The following SCARB1 variants were observed in gnomAD, a reference collection of about 807,000 sequenced individuals.
The protein encoded by SCARB1 is scavenger receptor class B member 1.
In SCARB1, 30 loss-of-function variants were observed where a neutral mutation model predicts 57.2. The ratio of observed to expected loss-of-function variants is 0.52; its 90% CI spans 0.39 to 0.71. The LOEUF (loss-of-function observed/expected upper bound fraction) is 0.71, where lower values mean the gene tolerates loss of function less well. Among genes scored for constraint, SCARB1 ranks in the 30% least tolerant of loss-of-function variants. SCARB1 has a pLI of 0.00. For missense variants in SCARB1, 543 were observed against 671.2 expected, an observed-to-expected ratio of 0.81 and a Z score of 2.11; for synonymous variants, 249 against 268.3, an observed-to-expected ratio of 0.93 and a Z score of 0.70.
chr12:124,830,901 C>T (rs921899537), intron 1 of SCARB1, among the ~76,000 whole-genome samples: 3 of 150,544 alleles, frequency 2.0e-5, no homozygotes, highest in African/African-American at 4.9e-5. Flanking sequence ...CAACCTCCAC[C>T]TCCCAGGTTC....
chr12:124,788,471 C>A (rs1399781367), intron 9 of SCARB1, among the ~76,000 whole-genome samples: 1 of 152,234 alleles, frequency 6.6e-6, no homozygotes, highest in Non-Finnish European at 1.5e-5. Context: ...GCTTTCACAG[C>A]TGGGAGGTGA....
intron 1 of SCARB1, among the ~76,000 whole-genome samples, chr12:124,821,196 C>A (rs1164275498): frequency 6.6e-6 from 1 of 151,946 alleles, no homozygotes; most frequent in Non-Finnish European, 1.5e-5. Flanking sequence ...TGTGATCACA[C>A]CACTGCACTC....
intron 1 of SCARB1, among the ~76,000 whole-genome samples, chr12:124,861,498 C>T (rs1952899089): frequency 6.6e-6 from 1 of 152,014 alleles, no homozygotes; most frequent in South Asian, 2.1e-4. Flanking sequence ...AATAAAAGCA[C>T]AAGGCCTCCC....
chr12:124,805,372 G>A (rs747695547), intron 7 of SCARB1, among the ~76,000 whole-genome samples: 6 of 152,208 alleles, frequency 3.9e-5, no homozygotes, highest in South Asian at 2.1e-4. Context: ...GAAAAAGGGC[G>A]AAGGCATCAG....
At chr12:124,788,502 T>C (rs1169869421) in intron 9 of SCARB1, among the ~76,000 whole-genome samples, 1 of 152,206 alleles carries the variant, frequency 6.6e-6, no homozygotes, top group East Asian at 1.9e-4. Flanking sequence ...CCTCCTCCCT[T>C]TCAGATGCCT....
At chr12:124,778,925 A>AGAAGCAGACACTGAGAGACCAG (rs1872829035) in intron 12 of SCARB1, among the ~76,000 whole-genome samples, 1 of 152,184 alleles carries the variant, frequency 6.6e-6, no homozygotes, top group Non-Finnish European at 1.5e-5. Flanking sequence ...TCTGTCCCTC[A>AGAAGCAGACACTGAGAGACCAG]GGAGGAGAAC....
Position 124,788,972 on chromosome 12 carries a change from A to G in SCARB1, c.1203-1515T>C, listed in dbSNP as rs147719758. Among the ~76,000 whole-genome samples, 38 of 152,330 alleles carry G rather than the reference A, an allele frequency of 2.5e-4. No homozygotes were observed. The East Asian group carries it at 6.5e-3, about 26-fold the overall frequency. On this transcript the variant is annotated intron_variant, in intron 9 of 12. Transcript: ENST00000261693. ...TGGAAGGAAGCACAGCAAATTGATG[A>G]TGGTGGGTACGGCTGGGGATGGCGG...
intron 1 of SCARB1, among the ~76,000 whole-genome samples, chr12:124,833,453 G>T (rs1951503989): frequency 6.6e-6 from 1 of 152,118 alleles, no homozygotes; most frequent in African/African-American, 2.4e-5. Context: ...CTCCCAAAGT[G>T]CTGGGATTAC....
chr12:124,855,214 G>A (rs1323491842), intron 1 of SCARB1, among the ~76,000 whole-genome samples: 1 of 152,282 alleles, frequency 6.6e-6, no homozygotes, highest in South Asian at 2.1e-4. Flanking sequence ...GGCCCCTCCC[G>A]TTCCTTCCCC....
intron 1 of SCARB1, among the ~76,000 whole-genome samples, chr12:124,844,862 CTG>C (rs1372522152): frequency 6.7e-6 from 1 of 148,866 alleles, no homozygotes; most frequent in African/African-American, 2.5e-5. Context: ...GTTGCCCAGA[CTG>C]GAGTGCAGTG....
chr12:124,863,653 A>G lies in SCARB1; in HGVS notation c.68T>C (p.Val23Ala), dbSNP rs1952996124. 1 of 1,590,430 alleles carries G rather than the reference A, an allele frequency of 6.3e-7. No individual in the cohort carries two copies. The highest frequency in any genetic ancestry group is 1.7e-5 in the Admixed American group (1 of 57,796). ...ALGVAGLLCA[V>A]LGAVMIVMVP... ...CATCACGATCATGACAGCGCCCAGC[A>G]CAGCGCACAGTAGCCCCGCGACGCC... Residue 23 changes from valine (V) to alanine (A), a missense_variant, in exon 1 of 13, where the codon GTG (valine) becomes GCG (alanine). By Grantham distance (64) the Val-to-Ala change is moderately conservative. Transcript: ENST00000261693.
intron 1 of SCARB1, among the ~76,000 whole-genome samples, chr12:124,828,368 G>C (rs1403057213): frequency 6.6e-6 from 1 of 152,100 alleles, no homozygotes; most frequent in Non-Finnish European, 1.5e-5. Flanking sequence ...CAGTGAGGCT[G>C]CTCTGACCTC....
At chr12:124,811,998 C>CTTAG in intron 4 of SCARB1, 33 bp from the exon 5 acceptor site, 1 of 1,545,442 alleles carries the variant, frequency 6.5e-7, no homozygotes, top group East Asian at 2.3e-5. Flanking sequence ...CATCGTAAGG[C>CTTAG]TTAGGCCTGC....
chr12:124,853,405 T>C (rs1442001229), intron 1 of SCARB1, among the ~76,000 whole-genome samples: 1 of 150,230 alleles, frequency 6.7e-6, no homozygotes, highest in Non-Finnish European at 1.5e-5. Flanking sequence ...TTTTTTTTTT[T>C]TTTTTGGGAG....
chr12:124,797,328 C>T (rs1950841444), intron 8 of SCARB1, among the ~76,000 whole-genome samples: 2 of 152,140 alleles, frequency 1.3e-5, no homozygotes, highest in African/African-American at 4.8e-5. Context: ...AGTCCCCCGT[C>T]CCCATGCCCT....
Position 124,800,344 on chromosome 12 carries a change from G to A in SCARB1, c.1010-102C>T, listed in dbSNP as rs968339954. Reference sequence around the variant, plus strand: ...GAGCTGTGGTCTGCAGGGCACCCCCGTGGCGATGACAAGATAACCAGACAG... The same window carrying A: ...GAGCTGTGGTCTGCAGGGCACCCCCATGGCGATGACAAGATAACCAGACAG... On this transcript the variant is annotated intron_variant, in intron 7 of 12. Coordinates refer to ENST00000261693, the MANE Select transcript of SCARB1 (RefSeq NM_005505.5). This position sits in a 1 kb window ranked among gnomAD's most constrained non-coding sequence, Gnocchi z 4.8. 4 of 831,488 alleles carry A rather than the reference G, an allele frequency of 4.8e-6. No individual in the cohort carries two copies. Among genetic ancestry groups the A allele is most frequent in the Non-Finnish European group, 8.0e-6 (4 of 498,772 alleles). 51.5% of individuals were successfully genotyped at this position (831,488 alleles called of 1,614,324 possible). A position where few individuals can be genotyped will look rare whatever the true frequency, so the allele number is the denominator to read the frequency against.
rs376876180 is a variant in SCARB1 at position 124,821,286 on chromosome 12, G to A, written c.127-3579C>T. 232 of 627,920 alleles carry A rather than the reference G, an allele frequency of 3.7e-4. 3 individuals carry two copies. The African/African-American group carries it at 4.1e-3, about 11-fold the overall frequency. 38.9% of individuals were successfully genotyped at this position (627,920 alleles called of 1,614,324 possible). The stretch of plus-strand genomic sequence containing the variant: ...CACACACACGCGCACACACACACAC[G>A]CAGCCTCAATTTCCCTTTGCAGCCT... On this transcript the variant is annotated intron_variant, in intron 1 of 12. Coordinates refer to ENST00000261693, the MANE Select transcript of SCARB1 (RefSeq NM_005505.5).
chr12:124,787,329 TC>T, intron 10 of SCARB1, 76 bp downstream of exon 10: 2 of 1,358,198 alleles, frequency 1.5e-6, no homozygotes, highest in Non-Finnish European at 2.1e-6. Flanking sequence ...TACAAGCTGC[TC>T]CCCCCGCCTC....
intron 9 of SCARB1, among the ~76,000 whole-genome samples, chr12:124,794,786 C>T (rs868494218): frequency 1.3e-4 from 20 of 152,018 alleles, no homozygotes; most frequent in African/African-American, 2.2e-4. Context: ...CCAAATTAGC[C>T]GGGCGTGGTG....
Sources: allele counts gnomAD v4.1 joint callset (sites outside exome capture counted in the v4.1 genomes callset), GRCh38; gene constraint gnomAD v4.1.1; non-coding constraint Gnocchi (gnomAD v3.1); transcripts MANE v1.5; gene names NCBI Gene and HGNC (gene_info 2026-07-23, HGNC 2026-07-21).